ESRRG: variants seen among roughly 807,000 people sequenced by gnomAD.
ESRRG encodes the protein estrogen-related receptor gamma.
In ESRRG, 13 loss-of-function variants were observed where a neutral mutation model predicts 44.0. The ratio of observed to expected loss-of-function variants is 0.30; its 90% CI spans 0.19 to 0.47. The LOEUF is 0.47. Among genes scored for constraint, ESRRG ranks in the 20% least tolerant of loss-of-function variants. The pLI is 1.00. For synonymous variants in ESRRG, 215 were observed against 214.6 expected (o/e 1.00, Z -0.02); for missense variants, 395 against 580.6 (o/e 0.68, Z 3.29).
At chr1:216,835,449 C>G (rs1214606197) in intron 2 of ESRRG, among the ~76,000 whole-genome samples, 3 of 152,336 alleles carry the variant, frequency 2.0e-5, no homozygotes, top group African/African-American at 7.2e-5. Context: ...TTGACACTGA[C>G]ACGGCTGCTG....
At chr1:216,549,003 T>C (rs2055423657) in intron 5 of ESRRG, among the ~76,000 whole-genome samples, 1 of 152,142 alleles carries the variant, frequency 6.6e-6, no homozygotes, top group Non-Finnish European at 1.5e-5. Flanking sequence ...TACTGCCAAA[T>C]GTTAAGCTCT....
intron 2 of ESRRG, among the ~76,000 whole-genome samples, chr1:216,655,259 G>A (rs2070171116): frequency 6.6e-6 from 1 of 152,154 alleles, no homozygotes; most frequent in South Asian, 2.1e-4. Flanking sequence ...TTGGATTAGA[G>A]AGAGGTAGTT....
intron 2 of ESRRG, among the ~76,000 whole-genome samples, chr1:216,876,467 T>C (rs1439766022): frequency 2.6e-5 from 4 of 152,142 alleles, no homozygotes; most frequent in Non-Finnish European, 5.9e-5. Context: ...AAACTTCCAG[T>C]ATAATTCCCA....
At chr1:217,042,004 T>C (rs1409826799) in intron 1 of ESRRG, among the ~76,000 whole-genome samples, 1 of 152,198 alleles carries the variant, frequency 6.6e-6, no homozygotes, top group East Asian at 1.9e-4. Context: ...GAGGGCTCTG[T>C]CATTTGGCTG....
intron 1 of ESRRG, among the ~76,000 whole-genome samples, chr1:217,118,848 G>T (rs974103887): frequency 6.6e-6 from 1 of 151,990 alleles, no homozygotes; most frequent in African/African-American, 2.4e-5. Context: ...TAAAAAAGTA[G>T]CCAAGCATGG....
intron 1 of ESRRG, among the ~76,000 whole-genome samples, chr1:216,721,804 A>G (rs1169294439): frequency 6.6e-6 from 1 of 152,200 alleles, no homozygotes; most frequent in Non-Finnish European, 1.5e-5. Context: ...TAACCTTCAA[A>G]CTACACTTGA....
intron 2 of ESRRG, among the ~76,000 whole-genome samples, chr1:216,897,906 T>C (rs1353241853): frequency 6.6e-6 from 1 of 152,108 alleles, no homozygotes; most frequent in African/African-American, 2.4e-5. Flanking sequence ...CAGAGGTGGG[T>C]CTATGTACTG....
chr1:216,920,060 A>G (rs2061637969), intron 2 of ESRRG, among the ~76,000 whole-genome samples: 1 of 152,226 alleles, frequency 6.6e-6, no homozygotes, highest in Non-Finnish European at 1.5e-5. Context: ...AGCAAGATGA[A>G]GTTGTATAAT....
At chr1:216,731,330 C>T (rs747771107) in intron 2 of ESRRG, among the ~76,000 whole-genome samples, 3 of 152,180 alleles carry the variant, frequency 2.0e-5, no homozygotes, top group Non-Finnish European at 4.4e-5. Flanking sequence ...ACACTGAATA[C>T]TTTCAGTGGG....
intron 1 of ESRRG, among the ~76,000 whole-genome samples, chr1:216,963,065 T>C (rs187662420): frequency 6.6e-5 from 10 of 152,314 alleles, no homozygotes; most frequent in Non-Finnish European, 1.2e-4. Context: ...GAAAATAATA[T>C]TCAACTCACT....
In ESRRG at chr1:216,507,070, T is replaced by G; in HGVS notation, c.1246A>C (p.Lys416Gln). The G allele has an allele frequency of 6.2e-7, 1 of 1,614,184 alleles. No homozygotes were observed. The highest frequency in any genetic ancestry group is 8.5e-7 in the Non-Finnish European group (1 of 1,180,024). The change falls in exon 7 of 7, where the codon AAG becomes CAG. Residue 416 changes from lysine (K) to glutamine (Q), a missense_variant. Lys to Gln is a moderately conservative substitution (Grantham distance 53, BLOSUM62 1). Transcript: ENST00000408911. ...AGGAGTGGCAGTGTCATCAGCATCT[T>G]GCCAGCTCGACGAGGGTCTTCCATG... is the stretch of plus-strand genomic sequence containing the variant. ...QHMEDPRRAG[K>Q]MLMTLPLLRQ...
chr1:216,925,586 G>T (rs2062437244), intron 2 of ESRRG, among the ~76,000 whole-genome samples: 1 of 152,124 alleles, frequency 6.6e-6, no homozygotes, highest in South Asian at 2.1e-4. Context: ...TGTTTTTGGG[G>T]GGACAGGGAT....
intron 2 of ESRRG, among the ~76,000 whole-genome samples, chr1:216,736,186 T>A (rs1369480111): frequency 7.5e-6 from 1 of 133,390 alleles, no homozygotes; most frequent in Non-Finnish European, 1.6e-5. Context: ...ATTTTTTTTT[T>A]TTTTTTTTTT....
chr1:217,088,881 A>G (rs927229532), intron 1 of ESRRG, among the ~76,000 whole-genome samples: 3 of 152,036 alleles, frequency 2.0e-5, no homozygotes, highest in African/African-American at 7.2e-5. Context: ...GAGGGGTAGA[A>G]GGAGGTAGAT....
chr1:216,783,202 T>G (rs1249916068), intron 2 of ESRRG, among the ~76,000 whole-genome samples: 2 of 152,016 alleles, frequency 1.3e-5, no homozygotes, highest in Non-Finnish European at 2.9e-5. Context: ...GTCATAGGTC[T>G]CAACTACATT....
chr1:216,732,815 T>A (rs1240208434), intron 2 of ESRRG, among the ~76,000 whole-genome samples: 2 of 121,306 alleles, frequency 1.6e-5, no homozygotes, highest in Non-Finnish European at 3.2e-5. Context: ...CCTGCAAACA[T>A]AGTGGAACTC....
intron 3 of ESRRG, among the ~76,000 whole-genome samples, chr1:216,620,985 C>G (rs2062136296): frequency 6.6e-6 from 1 of 152,182 alleles, no homozygotes; most frequent in East Asian, 1.9e-4. Flanking sequence ...TGTTTGGACA[C>G]CAGACGTCAA....
At position 216,507,154 on chromosome 1, in the gene ESRRG, C is replaced by G; in HGVS notation, c.1162G>C (p.Val388Leu). The G allele has an allele frequency of 6.2e-7, 1 of 1,611,924 alleles. No homozygotes were observed. The highest frequency in any genetic ancestry group is 1.1e-5 in the South Asian group (1 of 90,926). Residue 388 changes from valine to leucine, a missense_variant, in exon 7 of 7, where the codon GTT (valine) becomes CTT (leucine). Around this residue, in one of 5 missense-constraint regions of ESRRG, gnomAD observed 167 missense variants for 251.8 expected, o/e 0.66. Coordinates refer to ENST00000408911, the MANE Select transcript of ESRRG (RefSeq NM_001438.4). ...DSMHIEDVEA[V>L]QKLQDVLHEA... is the part of the protein sequence containing the mutation. ...TGTAAGACATCCTGAAGCTTCTGAA[C>G]GGCTTCAACATCTTCTATGTGCATG...
At chr1:216,732,402 A>T (rs1403397219) in intron 2 of ESRRG, among the ~76,000 whole-genome samples, 1 of 148,022 alleles carries the variant, frequency 6.8e-6, no homozygotes, top group African/African-American at 2.5e-5. Flanking sequence ...TTTTTAACAG[A>T]GACTTACTGT....
Sources: allele counts gnomAD v4.1 joint callset (sites outside exome capture counted in the v4.1 genomes callset), GRCh38; gene constraint gnomAD v4.1.1; regional missense constraint gnomAD v4.1.1; transcripts MANE v1.5; gene names NCBI Gene and HGNC (gene_info 2026-07-23, HGNC 2026-07-21).